KCNQ5: variants seen among roughly 807,000 people sequenced by gnomAD.
KCNQ5 encodes potassium voltage-gated channel subfamily KQT member 5.
Under a neutral mutation model 98.2 loss-of-function variants are expected in KCNQ5, and 30 were observed. The observed-to-expected ratio is 0.31, with a 90% CI of 0.23 to 0.41. The LOEUF is 0.41. KCNQ5 is among the 10% of genes least tolerant of loss of function. The pLI is 1.00. For missense variants in KCNQ5, 835 were observed against 1,182.5 expected, an observed-to-expected ratio of 0.71 and a Z score of 4.31; for synonymous variants, 458 against 449.4, an observed-to-expected ratio of 1.02 and a Z score of -0.24.
At chr6:73,192,756 C>T in intron 13 of KCNQ5, 65 bp downstream of exon 13, 1 of 1,295,536 alleles carries the variant, frequency 7.7e-7, no homozygotes, top group Non-Finnish European at 1.0e-6. Context: ...TTATTATAGG[C>T]AATTGTATGT....
intron 1 of KCNQ5, among the ~76,000 whole-genome samples, chr6:72,626,453 T>C (rs2098918017): frequency 6.6e-6 from 1 of 152,178 alleles, no homozygotes; most frequent in South Asian, 2.1e-4. Context: ...GAAAGGGTGG[T>C]AGAGCAAAAG....
At chr6:72,848,032 C>T (rs554476200) in intron 1 of KCNQ5, among the ~76,000 whole-genome samples, 1 of 151,956 alleles carries the variant, frequency 6.6e-6, no homozygotes, top group Non-Finnish European at 1.5e-5. Context: ...AAAAAACTCC[C>T]AATGAAAAGC....
chr6:72,657,153 T>C (rs1353300781), intron 1 of KCNQ5, among the ~76,000 whole-genome samples: 1 of 152,058 alleles, frequency 6.6e-6, no homozygotes, highest in Admixed American at 6.6e-5. Flanking sequence ...GAGGTTATGG[T>C]GAATTATGAT....
chr6:72,874,581 G>T (rs895200263), intron 1 of KCNQ5, among the ~76,000 whole-genome samples: 3 of 152,038 alleles, frequency 2.0e-5, no homozygotes, highest in African/African-American at 7.2e-5. Context: ...AAGAAAAAGA[G>T]CCAAAAGGCC....
chr6:72,781,185 A>G (rs1277019256), intron 1 of KCNQ5, among the ~76,000 whole-genome samples: 1 of 152,158 alleles, frequency 6.6e-6, no homozygotes, highest in African/African-American at 2.4e-5. Context: ...ACACACAGAA[A>G]GGAACATGAA....
intron 1 of KCNQ5, among the ~76,000 whole-genome samples, chr6:72,960,991 G>A (rs995283854): frequency 6.6e-6 from 1 of 152,190 alleles, no homozygotes; most frequent in African/African-American, 2.4e-5. Flanking sequence ...TGCAGTTAGA[G>A]CCAGGGATGG....
intron 1 of KCNQ5, among the ~76,000 whole-genome samples, chr6:72,777,049 A>G (rs1773195141): frequency 6.6e-6 from 1 of 152,224 alleles, no homozygotes; most frequent in African/African-American, 2.4e-5. Flanking sequence ...TGTTGTGAAG[A>G]GCTCCATCCA....
intron 3 of KCNQ5, among the ~76,000 whole-genome samples, chr6:73,048,883 G>A (rs1476576196): frequency 6.6e-6 from 1 of 152,140 alleles, no homozygotes; most frequent in Non-Finnish European, 1.5e-5. Context: ...TCCTTGCCAA[G>A]GGACTCTATT....
At chr6:72,718,020 T>G (rs1769737804) in intron 1 of KCNQ5, among the ~76,000 whole-genome samples, 1 of 152,122 alleles carries the variant, frequency 6.6e-6, no homozygotes, top group South Asian at 2.1e-4. Flanking sequence ...CCTGCATATG[T>G]CTAAGAGGGC....
At chr6:72,761,769 T>C (rs1390619238) in intron 1 of KCNQ5, among the ~76,000 whole-genome samples, 2 of 152,178 alleles carry the variant, frequency 1.3e-5, no homozygotes, top group South Asian at 2.1e-4. Flanking sequence ...TAAGTAAAGA[T>C]TGAGGAGGAA....
intron 1 of KCNQ5, among the ~76,000 whole-genome samples, chr6:72,929,544 G>A (rs2150227377): frequency 6.6e-6 from 1 of 152,188 alleles, no homozygotes; most frequent in Non-Finnish European, 1.5e-5. Flanking sequence ...CTGCAAAATT[G>A]TCAATTTATA....
intron 1 of KCNQ5, among the ~76,000 whole-genome samples, chr6:72,870,715 T>C (rs1014232004): frequency 1.3e-5 from 2 of 152,224 alleles, no homozygotes; most frequent in Non-Finnish European, 2.9e-5. Flanking sequence ...ATTACTTATT[T>C]GAATGCCTAT....
intron 1 of KCNQ5, among the ~76,000 whole-genome samples, chr6:72,972,243 G>A (rs1448514546): frequency 6.6e-6 from 1 of 152,008 alleles, no homozygotes; most frequent in Non-Finnish European, 1.5e-5. Context: ...AATCTAATAT[G>A]GAAATAGACA....
At chr6:72,705,353 A>G (rs533098264) in intron 1 of KCNQ5, among the ~76,000 whole-genome samples, 2 of 152,258 alleles carry the variant, frequency 1.3e-5, no homozygotes, top group Middle Eastern at 3.4e-3. Flanking sequence ...TCTTTTTTCA[A>G]TGTTTGACAT....
chr6:73,189,207 T>G (rs2150522818), intron 11 of KCNQ5, among the ~76,000 whole-genome samples: 1 of 152,290 alleles, frequency 6.6e-6, no homozygotes, highest in East Asian at 1.9e-4. Context: ...GAGGTTAAAT[T>G]AAAACACTAA....
intron 1 of KCNQ5, chr6:72,677,052 A>T (rs1767450616): frequency 6.6e-6 from 1 of 152,174 alleles, no homozygotes; most frequent in Admixed American, 6.5e-5. Context: ...AAAGCAAATT[A>T]GTTCAGTAAT....
chr6:72,724,612 T>G (rs1770164443), intron 1 of KCNQ5, among the ~76,000 whole-genome samples: 1 of 152,074 alleles, frequency 6.6e-6, no homozygotes, highest in South Asian at 2.1e-4. Context: ...GAATTTAATA[T>G]GAGAAATGGA....
intron 11 of KCNQ5, among the ~76,000 whole-genome samples, chr6:73,180,221 G>A (rs1183161584): frequency 6.6e-6 from 1 of 152,154 alleles, no homozygotes; most frequent in African/African-American, 2.4e-5. Context: ...TCACGTAGGA[G>A]GCTTCTTTAA....
At chr6:73,084,231 T>C (rs1773891849) in intron 5 of KCNQ5, among the ~76,000 whole-genome samples, 1 of 152,238 alleles carries the variant, frequency 6.6e-6, no homozygotes, top group African/African-American at 2.4e-5. Flanking sequence ...GTGATGGAAG[T>C]ATCTTCAAAG....
Sources: allele counts gnomAD v4.1 joint callset (sites outside exome capture counted in the v4.1 genomes callset), GRCh38; gene constraint gnomAD v4.1.1; transcripts MANE v1.5; gene names NCBI Gene and HGNC (gene_info 2026-07-23, HGNC 2026-07-21).